The following GNAI1 variants were observed in gnomAD, a reference collection of about 807,000 sequenced individuals.
The protein encoded by GNAI1 is guanine nucleotide-binding protein G(i) subunit alpha-1.
GNAI1 carries 11 observed loss-of-function variants against 38.9 expected under a neutral mutation model. That is an observed-to-expected ratio of 0.28 (90% CI 0.18 to 0.47). The LOEUF (loss-of-function observed/expected upper bound fraction) is 0.47, where lower values mean the gene tolerates loss of function less well. Ranked by LOEUF, GNAI1 falls within the 20% of genes least tolerant of loss-of-function variation. The probability of loss-of-function intolerance (pLI) is 0.99; values close to 1 mark genes in which losing one functional copy is unlikely to be tolerated. For synonymous variants in GNAI1, 166 were observed against 145.1 expected (o/e 1.14, Z -1.04); for missense variants, 317 against 436.9 (o/e 0.73, Z 2.45).
intron 4 of GNAI1, among the ~76,000 whole-genome samples, chr7:80,202,633 G>T (rs976620280): frequency 6.6e-6 from 1 of 152,150 alleles, no homozygotes; most frequent in Admixed American, 6.5e-5. Context: ...AACTCAGGCT[G>T]TCATCTCTCT....
At chr7:80,173,866 CT>C (rs950914036) in intron 1 of GNAI1, among the ~76,000 whole-genome samples, 41 of 152,288 alleles carry the variant, frequency 2.7e-4, no homozygotes, top group Admixed American at 8.5e-4. Context: ...ATCCCAGTGT[CT>C]GTCAACTCAG....
At chr7:80,172,261 A>G (rs763345508) in intron 1 of GNAI1, among the ~76,000 whole-genome samples, 1 of 152,226 alleles carries the variant, frequency 6.6e-6, no homozygotes, top group Non-Finnish European at 1.5e-5. Context: ...CTGGAATGCC[A>G]TGCTAAGAAG....
At chr7:80,178,551 T>G (rs1382110739) in intron 1 of GNAI1, among the ~76,000 whole-genome samples, 1 of 152,204 alleles carries the variant, frequency 6.6e-6, no homozygotes, top group African/African-American at 2.4e-5. Context: ...GGCAGGACCC[T>G]TCTCCAGCAG....
chr7:80,177,949 G>A (rs542925761), intron 1 of GNAI1, among the ~76,000 whole-genome samples: 7 of 152,282 alleles, frequency 4.6e-5, no homozygotes, highest in Admixed American at 2.0e-4. Flanking sequence ...CTTCTGAAAA[G>A]GATTAATCAT....
chr7:80,195,267 T>TG (rs1434370300), intron 3 of GNAI1, among the ~76,000 whole-genome samples: 2 of 151,954 alleles, frequency 1.3e-5, no homozygotes, highest in East Asian at 3.9e-4. Context: ...TCATACTTCA[T>TG]GCTAAATTCA....
At chr7:80,142,814 A>G (rs1787549315) in intron 1 of GNAI1, among the ~76,000 whole-genome samples, 1 of 149,352 alleles carries the variant, frequency 6.7e-6, no homozygotes, top group African/African-American at 2.5e-5. Flanking sequence ...TTTGGGGACC[A>G]TATTCTTGTT....
At chr7:80,137,293 CTTTTTTTTT>C (rs377362596) in intron 1 of GNAI1, among the ~76,000 whole-genome samples, 32,215 of 92,196 alleles carry the variant, frequency 0.35, 5,647 homozygotes, top group Non-Finnish European at 0.44. Context: ...TTTCTTTTTT[CTTTTTTTTT>C]TTTTCTTTTC....
intron 4 of GNAI1, among the ~76,000 whole-genome samples, chr7:80,199,846 A>G (rs1788647662): frequency 1.3e-5 from 2 of 152,174 alleles, no homozygotes; most frequent in Admixed American, 6.6e-5. Flanking sequence ...GATGACTCCA[A>G]GGTATTTTTT....
intron 1 of GNAI1, among the ~76,000 whole-genome samples, chr7:80,137,703 C>T (rs148239244): frequency 0.013 from 1,917 of 152,236 alleles, 34 homozygotes; most frequent in Admixed American, 0.047. Context: ...TGACTGAATT[C>T]TTTTGGCTGT....
chr7:80,217,634 G>A lies in GNAI1; in HGVS notation c.*141G>A, dbSNP rs1788996953. On this transcript the variant is annotated 3_prime_UTR_variant, in exon 8 of 8. Coordinates refer to ENST00000649796, the MANE Select transcript of GNAI1 (RefSeq NM_002069.6). ...GACTTGACCAAAGTTGTTCTGTTTT[G>A]TTTTTTTAACTGAAAGTAACAGAAG... 1 of 481,476 alleles carries A rather than the reference G, an allele frequency of 2.1e-6. No individual in the cohort carries two copies. Among genetic ancestry groups the A allele is most frequent in the South Asian group, 4.5e-5 (1 of 22,236 alleles). 29.8% of individuals were successfully genotyped at this position (481,476 alleles called of 1,614,324 possible).
At chr7:80,135,429 G>A in intron 1 of GNAI1, 151 bp downstream of exon 1, 1 of 440,740 alleles carries the variant, frequency 2.3e-6, no homozygotes, top group Non-Finnish European at 3.9e-6. Flanking sequence ...CGGAGGCAAG[G>A]CGGGTCCCCC....
chr7:80,156,916 C>T (rs1421394682), intron 1 of GNAI1, among the ~76,000 whole-genome samples: 1 of 152,138 alleles, frequency 6.6e-6, no homozygotes, highest in Non-Finnish European at 1.5e-5. Context: ...AATCTCCCAG[C>T]AGAATAGTAC....
rs931934459 is a variant in GNAI1, at chr7:80,225,205, G to T, written c.*7712G>T. 6.6e-6 allele frequency among the ~76,000 whole-genome samples: 1 copy of T among 152,032 alleles called. No individual in the cohort carries two copies. On this transcript the variant is annotated 3_prime_UTR_variant, in exon 8 of 8. Coordinates refer to ENST00000649796, the MANE Select transcript of GNAI1 (RefSeq NM_002069.6). The stretch of plus-strand genomic sequence containing the variant: ...TTTGGTGTAATATAGCCTTTCCTGT[G>T]GGGGGAAAACCCATCTCATTTTCAC...
intron 1 of GNAI1, among the ~76,000 whole-genome samples, chr7:80,168,172 G>T (rs1788043752): frequency 2.0e-5 from 3 of 152,050 alleles, no homozygotes. Context: ...TCAGACTAGA[G>T]AATATACAAG....
chr7:80,155,921 G>A (rs1320906493), intron 1 of GNAI1, among the ~76,000 whole-genome samples: 1 of 151,330 alleles, frequency 6.6e-6, no homozygotes, highest in Non-Finnish European at 1.5e-5. Context: ...GCGTGGTGGC[G>A]TATGCCTGTA....
chr7:80,200,318 A>C (rs1277229921), intron 4 of GNAI1, among the ~76,000 whole-genome samples: 1 of 88,060 alleles, frequency 1.1e-5, no homozygotes, highest in African/African-American at 3.5e-5. Flanking sequence ...GAGTGAGGCC[A>C]TGTCTCAAAA....
chr7:80,144,822 G>A (rs780643532), intron 1 of GNAI1, among the ~76,000 whole-genome samples: 1 of 151,970 alleles, frequency 6.6e-6, no homozygotes, highest in African/African-American at 2.4e-5. Context: ...CATTTATTTC[G>A]GTATAGCTTG....
chr7:80,197,032 C>G (rs1788589630), intron 3 of GNAI1, among the ~76,000 whole-genome samples: 1 of 151,852 alleles, frequency 6.6e-6, no homozygotes. Flanking sequence ...ACTTGGTCAT[C>G]CCATGTATCT....
At chr7:80,149,358 T>A (rs1050249960) in intron 1 of GNAI1, among the ~76,000 whole-genome samples, 5 of 152,154 alleles carry the variant, frequency 3.3e-5, no homozygotes, top group Non-Finnish European at 7.4e-5. Context: ...CCTAATTATT[T>A]GCTTAAATTA....
Sources: gnomAD v4.1 joint callset for allele counts (sites outside exome capture counted in the v4.1 genomes callset) on GRCh38, gnomAD v4.1.1 for gene constraint, MANE v1.5 for transcripts, NCBI Gene and HGNC (gene_info 2026-07-23, HGNC 2026-07-21) for gene names.